CACNA1C: variants seen among roughly 807,000 people sequenced by gnomAD.
The protein encoded by CACNA1C is voltage-dependent L-type calcium channel subunit alpha-1C.
CACNA1C carries 30 observed loss-of-function variants against 229.0 expected under a neutral mutation model. That is an observed-to-expected ratio of 0.13 (90% CI 0.10 to 0.18). CACNA1C has a LOEUF of 0.18. Among genes scored for constraint, CACNA1C ranks in the 10% least tolerant of loss-of-function variants. The probability of loss-of-function intolerance (pLI) is 1.00; values close to 1 mark genes in which losing one functional copy is unlikely to be tolerated. For synonymous variants in CACNA1C, 1,114 were observed against 1,132.5 expected (o/e 0.98, Z 0.33); for missense variants, 1,658 against 2,845.0 (o/e 0.58, Z 9.49).
chr12:2,208,332 G>A (rs982469765), intron 3 of CACNA1C, among the ~76,000 whole-genome samples: 3 of 152,226 alleles, frequency 2.0e-5, no homozygotes, highest in African/African-American at 7.2e-5. Context: ...GCTAGACAAC[G>A]CACTGCTCAG....
chr12:1,996,057 A>T (rs118063740), intron 1 of CACNA1C, among the ~76,000 whole-genome samples: 4,163 of 152,290 alleles, frequency 0.027, 92 homozygotes, highest in Middle Eastern at 0.054. Context: ...TGTCATTTTT[A>T]AAATTTCACC....
At chr12:2,364,879 G>A (rs901671426) in intron 3 of CACNA1C, among the ~76,000 whole-genome samples, 2 of 152,182 alleles carry the variant, frequency 1.3e-5, no homozygotes, top group African/African-American at 2.4e-5. Context: ...AAAGAAGGTA[G>A]TTCAAGAAGA....
At chr12:2,146,118 AAG>A (rs1331182767) in intron 3 of CACNA1C, among the ~76,000 whole-genome samples, 1 of 151,262 alleles carries the variant, frequency 6.6e-6, no homozygotes, top group Non-Finnish European at 1.5e-5. Context: ...GTAACAAAAG[AAG>A]AGAGGGGTTA....
At chr12:2,068,909 A>G (rs552683362) in intron 1 of CACNA1C, among the ~76,000 whole-genome samples, 3 of 152,316 alleles carry the variant, frequency 2.0e-5, no homozygotes, top group East Asian at 1.9e-4. Context: ...GCGGAATGCA[A>G]TGTTTTCCTC....
intron 38 of CACNA1C, among the ~76,000 whole-genome samples, chr12:2,670,620 A>G (rs1371516331): frequency 1.3e-5 from 2 of 152,104 alleles, no homozygotes; most frequent in African/African-American, 2.4e-5. Context: ...CAGCACTTTG[A>G]GAGGCCCAGT....
intron 9 of CACNA1C, among the ~76,000 whole-genome samples, chr12:2,526,748 T>A (rs2099819151): frequency 6.6e-6 from 1 of 152,214 alleles, no homozygotes; most frequent in South Asian, 2.1e-4. Flanking sequence ...GAGTAGCATG[T>A]TCACTTCTAC....
intron 42 of CACNA1C, chr12:2,680,292 T>C: frequency 8.6e-7 from 1 of 1,162,954 alleles, no homozygotes; most frequent in Non-Finnish European, 1.2e-6. Flanking sequence ...GGATCATTCC[T>C]GGAGGTCTTG....
chr12:2,448,921 C>G (rs982292938), intron 3 of CACNA1C, 55 bp from the exon 4 acceptor site: 4 of 1,491,454 alleles, frequency 2.7e-6, no homozygotes, highest in Non-Finnish European at 3.7e-6. Flanking sequence ...TCCAAACTTT[C>G]CAAATCCCCA....
intron 3 of CACNA1C, among the ~76,000 whole-genome samples, chr12:2,214,487 C>T (rs2059457568): frequency 1.3e-5 from 2 of 152,068 alleles, no homozygotes; most frequent in Non-Finnish European, 2.9e-5. Flanking sequence ...ACACTGATCT[C>T]GTGAACTAGG....
At chr12:2,411,248 G>C (rs2098804126) in intron 3 of CACNA1C, among the ~76,000 whole-genome samples, 1 of 152,146 alleles carries the variant, frequency 6.6e-6, no homozygotes, top group Non-Finnish European at 1.5e-5. Flanking sequence ...CTGCGGTGGA[G>C]AGCTGCAATG....
rs1469982360 is a variant in CACNA1C at position 2,004,381 on chromosome 12, G to C, written c.139+33180G>C. On this transcript the variant is annotated intron_variant, in intron 1 of 46. Coordinates refer to the CACNA1C transcript ENST00000682462. ...GGTCGTGGCGCTGCAGGGCCGCTAG[G>C]CTGATGTCGCGCCCCTTTCCCACCA... 2 of 1,612,800 alleles carry C rather than the reference G, an allele frequency of 1.2e-6. No homozygotes were observed. The highest frequency in any genetic ancestry group is 1.7e-6 in the Non-Finnish European group (2 of 1,179,806).
At chr12:2,433,366 G>A (rs1378468062) in intron 3 of CACNA1C, among the ~76,000 whole-genome samples, 1 of 152,178 alleles carries the variant, frequency 6.6e-6, no homozygotes, top group Non-Finnish European at 1.5e-5. Flanking sequence ...CCCAGGTGCA[G>A]GAGAGAGGAG....
chr12:2,097,727 T>G (rs2074815904), intron 1 of CACNA1C, among the ~76,000 whole-genome samples: 2 of 152,162 alleles, frequency 1.3e-5, no homozygotes, highest in Non-Finnish European at 2.9e-5. Flanking sequence ...ACAGGTAGAT[T>G]GGAGGCAGCC....
chr12:2,162,655 C>T (rs2095947630), intron 3 of CACNA1C, among the ~76,000 whole-genome samples: 1 of 151,866 alleles, frequency 6.6e-6, no homozygotes, highest in Non-Finnish European at 1.5e-5. Flanking sequence ...GAGGGGTGAA[C>T]AGTAGGCCTG....
chr12:2,652,528 G>GC (rs2095107947), intron 32 of CACNA1C, among the ~76,000 whole-genome samples: 1 of 152,270 alleles, frequency 6.6e-6, no homozygotes, highest in Admixed American at 6.5e-5. Flanking sequence ...CCATGGAGGG[G>GC]CCGCTCTCAG....
intron 29 of CACNA1C, among the ~76,000 whole-genome samples, chr12:2,624,123 G>T (rs2084926317): frequency 6.6e-6 from 1 of 152,196 alleles, no homozygotes; most frequent in African/African-American, 2.4e-5. Flanking sequence ...TGGGGTCCTT[G>T]TTTGGGGGTT....
rs760797788 is a variant in CACNA1C at position 2,691,163 on chromosome 12, G to C, written c.6381G>C (p.Glu2127Asp). The C allele has an allele frequency of 6.2e-7, 1 of 1,601,386 alleles. No individual in the cohort carries two copies. Among genetic ancestry groups the C allele is most frequent in the South Asian group, 1.1e-5 (1 of 90,394 alleles). The change falls in exon 47 of 47, where the codon GAG becomes GAC. Residue 2127 changes from glutamate to aspartate, a missense_variant. Around this residue, in one of 20 missense-constraint regions of CACNA1C, gnomAD observed 590 missense variants for 700.8 expected, o/e 0.84. Transcript: ENST00000399655. Reference protein sequence around the residue: ...VRARGRPSEEELQDSRVYVSS... With the variant: ...VRARGRPSEEDLQDSRVYVSS... ...CGCGGGGTCGACCGAGTGAGGAGGA[G>C]CTCCAGGACAGCAGGGTCTACGTCA...
Position 2,679,833 on chromosome 12 carries a change from G to A in CACNA1C, c.5444+37G>A. The A allele has an allele frequency of 7.1e-7, 1 of 1,416,112 alleles. No individual in the cohort carries two copies. Among genetic ancestry groups the A allele is most frequent in the Non-Finnish European group, 9.7e-7 (1 of 1,036,182 alleles). 87.7% of individuals were successfully genotyped at this position (1,416,112 alleles called of 1,614,324 possible). A position where few individuals can be genotyped will look rare whatever the true frequency, so the allele number is the denominator to read the frequency against. On this transcript the variant is annotated intron_variant, in intron 42 of 46. Transcript: ENST00000399655. This position sits in a 1 kb window ranked among gnomAD's most constrained non-coding sequence, Gnocchi z 5.5. ...GCTGGCCACCCCAGGCGGCACACAGGGCCCACGTGCTGCAACCCTCAGGAG... is the reference window on the plus strand; with the variant it reads ...GCTGGCCACCCCAGGCGGCACACAGAGCCCACGTGCTGCAACCCTCAGGAG...
At chr12:1,993,745 G>T (rs1333048213) in intron 1 of CACNA1C, among the ~76,000 whole-genome samples, 3 of 151,904 alleles carry the variant, frequency 2.0e-5, no homozygotes, top group Admixed American at 2.0e-4. Context: ...GACTTTTAAA[G>T]AATACTTTTT....
Sources: gnomAD v4.1 joint callset for allele counts (sites outside exome capture counted in the v4.1 genomes callset) on GRCh38, gnomAD v4.1.1 for gene constraint, gnomAD v4.1.1 regional missense constraint, Gnocchi (gnomAD v3.1) non-coding constraint, MANE v1.5 for transcripts, NCBI Gene and HGNC (gene_info 2026-07-23, HGNC 2026-07-21) for gene names.